ARHGAP42: variants seen among roughly 807,000 people sequenced by gnomAD.
ARHGAP42 encodes Rho GTPase activating protein 42.
A neutral mutation model predicts 125.0 loss-of-function variants in ARHGAP42; 63 were observed. The observed-to-expected ratio is 0.50, with a 90% CI of 0.41 to 0.62. The LOEUF (loss-of-function observed/expected upper bound fraction) is 0.62. Ranked by LOEUF, ARHGAP42 falls within the 20% of genes least tolerant of loss-of-function variation. ARHGAP42 has a pLI of 0.00. For missense variants in ARHGAP42, 766 were observed against 1,024.2 expected (o/e 0.75, Z 3.44); for synonymous variants, 339 against 351.0 (o/e 0.97, Z 0.38).
chr11:100,711,609 C>T (rs547740514), intron 1 of ARHGAP42, among the ~76,000 whole-genome samples: 1 of 152,240 alleles, frequency 6.6e-6, no homozygotes, highest in Non-Finnish European at 1.5e-5. Context: ...CCTCTTGCCT[C>T]AGCCTCCCAA....
chr11:100,902,168 T>C lies in ARHGAP42; in HGVS notation c.385-11284T>C, dbSNP rs186789389. On this transcript the variant is annotated intron_variant, in intron 4 of 23. Coordinates refer to ENST00000298815, the MANE Select transcript of ARHGAP42 (RefSeq NM_152432.4). ...TTCTATAACAATGACCAAAACACTT[T>C]AACCCGTTGAAGAATGGGGCAGTCA... is the stretch of plus-strand genomic sequence containing the variant. 1.4e-3 allele frequency among the ~76,000 whole-genome samples: 211 copies of C among 152,336 alleles called. 6 individuals are homozygous for C. The highest frequency in any genetic ancestry group is 0.012 in the Admixed American group (190 of 15,300).
intron 1 of ARHGAP42, among the ~76,000 whole-genome samples, chr11:100,726,791 C>A (rs1451805706): frequency 3.3e-5 from 5 of 152,162 alleles, no homozygotes; most frequent in Admixed American, 6.5e-5. Context: ...ATTGGAATTA[C>A]TTTCTCTTAA....
chr11:100,733,722 G>A (rs1199911783), intron 1 of ARHGAP42, among the ~76,000 whole-genome samples: 3 of 149,398 alleles, frequency 2.0e-5, no homozygotes, highest in Admixed American at 2.0e-4. Context: ...CCTCTTGGGA[G>A]GCTGAGGCAT....
rs147487709 is a variant in ARHGAP42, at chr11:100,984,675, A to G, written c.2457-2838A>G. Among the ~76,000 whole-genome samples the G allele has an allele frequency of 5.8e-3, 887 of 152,064 alleles. 4 individuals carry two copies. Among genetic ancestry groups the G allele is most frequent in the African/African-American group, 0.02 (840 of 41,496 alleles). On this transcript the variant is annotated intron_variant, in intron 22 of 23. Transcript: ENST00000298815. ...AGAATGAGGAATGAGGCTGGTGGGC[A>G]GATTATTTTTCCAATGATAAGGGAA...
chr11:100,729,311 A>C (rs1290180359), intron 1 of ARHGAP42, among the ~76,000 whole-genome samples: 3 of 151,892 alleles, frequency 2.0e-5, no homozygotes, highest in Non-Finnish European at 4.4e-5. Context: ...ACAATTTAGT[A>C]ATTATTAATT....
In ARHGAP42 at chr11:100,921,540, C is replaced by A; in HGVS notation, c.533C>A (p.Ser178Ter). 1 of 1,545,958 alleles carries A rather than the reference C, an allele frequency of 6.5e-7. No homozygotes were observed. The highest frequency in any genetic ancestry group is 1.2e-5 in the South Asian group (1 of 82,840). Residue 178 changes from serine (S) to a stop codon, truncating the protein, a stop_gained, in exon 6 of 24, where the codon TCA becomes TAA. Coordinates refer to ENST00000298815, the MANE Select transcript of ARHGAP42 (RefSeq NM_152432.4). LOFTEE classifies it high-confidence loss of function. ...DREHQNFYEASLEYVFKIQEV... is the reference protein window; with the variant it reads ...DREHQNFYEA The stretch of plus-strand genomic sequence containing the variant: ...GAACATCAGAACTTCTATGAAGCAT[C>A]ATTAGAATATGTCTTTAAAATTCAA...
In ARHGAP42 at chr11:100,908,787, G is replaced by A. The variant is rs7947548; in HGVS notation, c.385-4665G>A. 7.6e-3 allele frequency among the ~76,000 whole-genome samples: 1,153 copies of A among 152,218 alleles called. 15 individuals are homozygous for A. The highest frequency in any genetic ancestry group is 0.026 in the African/African-American group (1,076 of 41,516). ...TTGTACTGGGATTGCTAGGTAAAAC[G>A]GTAGCTCTATTCTTAGTTCTTTGCA... On this transcript the variant is annotated intron_variant, in intron 4 of 23. Coordinates refer to ENST00000298815, the MANE Select transcript of ARHGAP42 (RefSeq NM_152432.4).
intron 1 of ARHGAP42, among the ~76,000 whole-genome samples, chr11:100,694,941 G>C (rs1861249721): frequency 6.6e-6 from 1 of 152,250 alleles, no homozygotes; most frequent in South Asian, 2.1e-4. Context: ...TGAGGCAGGA[G>C]AATAGCTTGA....
At chr11:100,944,890 A>G (rs1867977010) in intron 10 of ARHGAP42, among the ~76,000 whole-genome samples, 1 of 151,968 alleles carries the variant, frequency 6.6e-6, no homozygotes. Context: ...GGCTGTGGCC[A>G]TTTTCTTAAA....
chr11:100,850,279 T>C (rs902862869), intron 3 of ARHGAP42, among the ~76,000 whole-genome samples: 13 of 152,312 alleles, frequency 8.5e-5, no homozygotes, highest in African/African-American at 2.6e-4. Flanking sequence ...GCTACGTGGT[T>C]CCACTGTAAC....
Position 100,988,689 on chromosome 11 carries a change from CTATT to C in ARHGAP42, c.2537-10_2537-7del, listed in dbSNP as rs200839662. On this transcript the variant is annotated intron_variant, in intron 23 of 23. Transcript: ENST00000298815. Reference sequence around the variant, plus strand: ...ATTTGACACTAATGTTGACTGAGTGCTATTTATTTATTTATTTTGCCAGTGTACC... The same window carrying C: ...ATTTGACACTAATGTTGACTGAGTGCTATTTATTTATTTTGCCAGTGTACC... 3.3e-3 allele frequency: 4,929 copies of C among 1,491,214 alleles called. 21 individuals carry two copies. Among genetic ancestry groups the C allele is most frequent in the Middle Eastern group, 0.013 (77 of 5,818 alleles). 92.4% of individuals were successfully genotyped at this position (1,491,214 alleles called of 1,614,324 possible).
intron 1 of ARHGAP42, among the ~76,000 whole-genome samples, chr11:100,732,552 C>G (rs1861978846): frequency 6.6e-6 from 1 of 152,148 alleles, no homozygotes; most frequent in South Asian, 2.1e-4. Context: ...ATTTTCTTCT[C>G]TAGATCTTCA....
At position 100,913,523 on chromosome 11, in the gene ARHGAP42, C is replaced by G; in HGVS notation, c.456C>G (p.Ser152=). ...YSILEKHLNL[S]AKKKESHLQE... ...TCCTTGAAAAGCATTTAAATTTGTC[C>G]GCAAAGAAAAAGGAGTCTCATTTAC... The change falls in exon 5 of 24, where the codon TCC becomes TCG. Residue 152 remains serine (S), a synonymous_variant. Coordinates refer to ENST00000298815, the MANE Select transcript of ARHGAP42 (RefSeq NM_152432.4). The G allele has an allele frequency of 7.7e-7, 1 of 1,293,010 alleles. No homozygotes were observed. The highest frequency in any genetic ancestry group is 1.0e-6 in the Non-Finnish European group (1 of 984,230). 80.1% of individuals were successfully genotyped at this position (1,293,010 alleles called of 1,614,324 possible).
chr11:100,894,497 A>G (rs1866294864), intron 4 of ARHGAP42, among the ~76,000 whole-genome samples: 1 of 152,210 alleles, frequency 6.6e-6, no homozygotes, highest in Admixed American at 6.5e-5. Context: ...GAAAAGGTAT[A>G]TTTTTGTGAC....
intron 5 of ARHGAP42, among the ~76,000 whole-genome samples, chr11:100,915,912 A>G (rs1374061365): frequency 1.3e-5 from 2 of 152,130 alleles, no homozygotes; most frequent in East Asian, 1.9e-4. Flanking sequence ...GCTGTCATAA[A>G]CATATTTAAT....
chr11:100,812,377 G>T (rs1463779477), intron 3 of ARHGAP42, among the ~76,000 whole-genome samples: 1 of 152,154 alleles, frequency 6.6e-6, no homozygotes, highest in African/African-American at 2.4e-5. Flanking sequence ...TCTCTGGGCT[G>T]GATATTGCTC....
intron 1 of ARHGAP42, among the ~76,000 whole-genome samples, chr11:100,769,082 T>C (rs1862908334): frequency 6.6e-6 from 1 of 152,162 alleles, no homozygotes; most frequent in African/African-American, 2.4e-5. Flanking sequence ...TGTAGGCAGT[T>C]GTAACACAGT....
At chr11:100,751,396 C>T (rs574473425) in intron 1 of ARHGAP42, among the ~76,000 whole-genome samples, 15 of 151,500 alleles carry the variant, frequency 9.9e-5, no homozygotes, top group East Asian at 7.8e-4. Flanking sequence ...GATTCTCCTG[C>T]GCCAGCCTTC....
chr11:100,746,002 G>A (rs1366811792), intron 1 of ARHGAP42, among the ~76,000 whole-genome samples: 1 of 152,138 alleles, frequency 6.6e-6, no homozygotes, highest in Non-Finnish European at 1.5e-5. Flanking sequence ...GGCTTCTTTT[G>A]CTTTATGATG....
Sources: allele counts gnomAD v4.1 joint callset (sites outside exome capture counted in the v4.1 genomes callset), GRCh38; gene constraint gnomAD v4.1.1; transcripts MANE v1.5; gene names NCBI Gene and HGNC (gene_info 2026-07-23, HGNC 2026-07-21).